Variants in PYGB observed in about 807,000 individuals in gnomAD.
PYGB encodes glycogen phosphorylase, brain form.
PYGB carries 82 observed loss-of-function variants against 94.3 expected under a neutral mutation model. The observed-to-expected ratio is 0.87, with a 90% CI of 0.73 to 1.04. The LOEUF (loss-of-function observed/expected upper bound fraction) is 1.04. Ranked by LOEUF, PYGB falls within the 50% of genes least tolerant of loss-of-function variation. The pLI is 0.00. For missense variants in PYGB, 1,132 were observed against 1,158.2 expected, an observed-to-expected ratio of 0.98 and a Z score of 0.33; for synonymous variants, 488 against 479.1, an observed-to-expected ratio of 1.02 and a Z score of -0.24.
At chr20:25,252,839 T>G (rs2092892002) in intron 1 of PYGB, among the ~76,000 whole-genome samples, 1 of 152,204 alleles carries the variant, frequency 6.6e-6, no homozygotes, top group African/African-American at 2.4e-5. Context: ...GAGCTCAGCC[T>G]TTAGCCCCTC....
At chr20:25,269,232 C>A in intron 3 of PYGB, 25 bp downstream of exon 3, 2 of 1,526,722 alleles carry the variant, frequency 1.3e-6, no homozygotes, top group Non-Finnish European at 1.8e-6. Context: ...CCAGGAGGAG[C>A]TCTCTCGGAC....
chr20:25,279,195 C>G, intron 9 of PYGB, 46 bp downstream of exon 9: 1 of 1,580,726 alleles, frequency 6.3e-7, no homozygotes, highest in South Asian at 1.1e-5. Context: ...GCCTGGAGCC[C>G]GTGCAGACCA....
intron 2 of PYGB, 71 bp downstream of exon 2, chr20:25,259,409 C>G (rs1382573360): frequency 8.2e-7 from 1 of 1,224,998 alleles, no homozygotes; most frequent in Non-Finnish European, 1.2e-6. Flanking sequence ...CATTTTCCCA[C>G]AGAGGTGAGC....
At chr20:25,273,821 T>C (rs1258793167) in intron 4 of PYGB, among the ~76,000 whole-genome samples, 3 of 152,170 alleles carry the variant, frequency 2.0e-5, no homozygotes, top group Admixed American at 2.0e-4. Flanking sequence ...GGATTTGCAG[T>C]GTCACTTTCT....
chr20:25,248,103 C>G lies in PYGB; in HGVS notation c.-76C>G. On this transcript the variant is annotated 5_prime_UTR_variant, in exon 1 of 20. Transcript: ENST00000216962. ...GGGCGCCAGAGCAGCGGCGCCAGAG[C>G]AGCTGCACCATCCCGGCGTTCGCGT... is the stretch of plus-strand genomic sequence containing the variant. 1 of 1,444,352 alleles carries G rather than the reference C, an allele frequency of 6.9e-7. No individual in the cohort carries two copies. The highest frequency in any genetic ancestry group is 2.3e-5 in the Admixed American group (1 of 44,376). The allele number at this position is 1,444,352 out of a possible 1,614,324, so 89.5% of individuals were successfully genotyped here.
intron 3 of PYGB, among the ~76,000 whole-genome samples, chr20:25,269,479 G>C (rs1023188316): frequency 1.3e-5 from 2 of 152,204 alleles, no homozygotes; most frequent in African/African-American, 2.4e-5. Flanking sequence ...CCGATATGCT[G>C]ACCACTTTCC....
intron 1 of PYGB, among the ~76,000 whole-genome samples, chr20:25,257,445 G>C (rs564212572): frequency 5.3e-5 from 8 of 152,326 alleles, no homozygotes; most frequent in Admixed American, 2.0e-4. Context: ...TCAAGCTCTT[G>C]GGACATAACT....
intron 16 of PYGB, among the ~76,000 whole-genome samples, chr20:25,291,918 G>A (rs375684483): frequency 9.2e-5 from 10 of 108,810 alleles, no homozygotes; most frequent in East Asian, 4.5e-4. Flanking sequence ...CAGAGAAAGC[G>A]CAGGGCCGTG....
In PYGB at chr20:25,284,090, T is replaced by C; in HGVS notation, c.1621-14T>C. 1 of 1,612,554 alleles carries C rather than the reference T, an allele frequency of 6.2e-7. No individual in the cohort carries two copies. Among genetic ancestry groups the C allele is most frequent in the South Asian group, 1.1e-5 (1 of 90,898 alleles). ...GGTGAAGTCTCCAGCCATCTTTCCC[T>C]TTCACCCTCCCAGGAGAACAAGCTC... On this transcript the variant is annotated splice_polypyrimidine_tract_variant and intron_variant, in intron 13 of 19. Coordinates refer to ENST00000216962, the MANE Select transcript of PYGB (RefSeq NM_002862.4).
At chr20:25,270,746 C>T (rs988128593) in intron 3 of PYGB, among the ~76,000 whole-genome samples, 1 of 152,228 alleles carries the variant, frequency 6.6e-6, no homozygotes, top group Non-Finnish European at 1.5e-5. Flanking sequence ...CCTCCCACCT[C>T]GGCTTCCCAA....
intron 6 of PYGB, 82 bp from the exon 7 acceptor site, chr20:25,277,162 C>T: frequency 8.8e-7 from 1 of 1,131,984 alleles, no homozygotes; most frequent in Non-Finnish European, 1.3e-6. Context: ...GTTTCCTTGG[C>T]CTTTGCAAGT....
chr20:25,252,667 G>A (rs2123507396), intron 1 of PYGB, among the ~76,000 whole-genome samples: 1 of 152,356 alleles, frequency 6.6e-6, no homozygotes, highest in East Asian at 1.9e-4. Context: ...TATGCAGAGG[G>A]CAGGTCTGAG....
At chr20:25,263,331 T>C (rs2092917759) in intron 2 of PYGB, among the ~76,000 whole-genome samples, 1 of 152,006 alleles carries the variant, frequency 6.6e-6, no homozygotes, top group South Asian at 2.1e-4. Flanking sequence ...ACCACACAAC[T>C]ACATGGAAAC....
intron 2 of PYGB, among the ~76,000 whole-genome samples, chr20:25,262,817 T>C (rs2092916634): frequency 6.6e-6 from 1 of 152,140 alleles, no homozygotes; most frequent in Admixed American, 6.5e-5. Flanking sequence ...GTTGCAATCC[T>C]AGTCTCTGAT....
At chr20:25,280,188 G>T in intron 9 of PYGB, 78 bp from the exon 10 acceptor site, 3 of 1,532,978 alleles carry the variant, frequency 2.0e-6, no homozygotes, top group Non-Finnish European at 2.7e-6. Flanking sequence ...GATCCTGGAC[G>T]CTCACCCTGC....
intron 15 of PYGB, chr20:25,289,757 A>G (rs2088448960): frequency 2.0e-6 from 1 of 502,052 alleles, no homozygotes; most frequent in African/African-American, 1.9e-5. Flanking sequence ...TTCACAGTAA[A>G]CTGCAGACAC....
At chr20:25,284,014 CT>C (rs1296044638) in intron 13 of PYGB, 89 bp from the exon 14 acceptor site, 84 of 1,512,214 alleles carry the variant, frequency 5.6e-5, no homozygotes, top group Non-Finnish European at 7.1e-5. Flanking sequence ...CTGCGGCACT[CT>C]TCACAGGGCA....
rs576323392 is a variant in PYGB, at chr20:25,257,388, G to A, written c.244-1849G>A. On this transcript the variant is annotated intron_variant, in intron 1 of 19. Coordinates refer to ENST00000216962, the MANE Select transcript of PYGB (RefSeq NM_002862.4). Reference sequence around the variant, plus strand: ...TGGAGACGCACAGGCTTCGAGTCTAGGCCCAGCACTTCCCGTGTCAGTCCT... The same window carrying A: ...TGGAGACGCACAGGCTTCGAGTCTAAGCCCAGCACTTCCCGTGTCAGTCCT... Among the ~76,000 whole-genome samples, 6 of 152,336 alleles carry A rather than the reference G, an allele frequency of 3.9e-5. No homozygotes were observed. The South Asian group carries it at 1.2e-3, about 32-fold the overall frequency.
chr20:25,262,130 G>A (rs922683721), intron 2 of PYGB, among the ~76,000 whole-genome samples: 8 of 152,074 alleles, frequency 5.3e-5, no homozygotes, highest in Non-Finnish European at 8.8e-5. Flanking sequence ...TACAGAAAAC[G>A]CCACAAAGAT....
Sources: gnomAD v4.1 joint callset for allele counts (sites outside exome capture counted in the v4.1 genomes callset) on GRCh38, gnomAD v4.1.1 for gene constraint, MANE v1.5 for transcripts, NCBI Gene and HGNC (gene_info 2026-07-23, HGNC 2026-07-21) for gene names.